Variants in MAP3K1 observed in about 807,000 individuals in gnomAD.
MAP3K1 encodes the protein mitogen-activated protein kinase kinase kinase 1.
A neutral mutation model predicts 144.2 loss-of-function variants in MAP3K1; 36 were observed. The ratio of observed to expected loss-of-function variants is 0.25; its 90% CI spans 0.19 to 0.33. The LOEUF (loss-of-function observed/expected upper bound fraction) is 0.33. Ranked by LOEUF, MAP3K1 falls within the 10% of genes least tolerant of loss-of-function variation. The pLI is 1.00. For missense variants in MAP3K1, 1,650 were observed against 1,881.9 expected (o/e 0.88, Z 2.28); for synonymous variants, 718 against 688.7 (o/e 1.04, Z -0.67).
In MAP3K1 at chr5:56,872,150, T is replaced by C. The variant is rs536961204; in HGVS notation, c.1423+119T>C. ...TTGGTGAGAGAATAAAAAAAGTATATCTAAGTCCTAAGTCCTATGTGAAAA... is the reference window on the plus strand; with the variant it reads ...TTGGTGAGAGAATAAAAAAAGTATACCTAAGTCCTAAGTCCTATGTGAAAA... On this transcript the variant is annotated intron_variant, in intron 7 of 19. Coordinates refer to ENST00000399503, the MANE Select transcript of MAP3K1 (RefSeq NM_005921.2). The C allele has an allele frequency of 8.3e-6, 11 of 1,325,944 alleles. No homozygotes were observed. In the Admixed American group the frequency reaches 1.5e-4, roughly 18 times the overall value. The allele number at this position is 1,325,944 out of a possible 1,614,324, so 82.1% of individuals were successfully genotyped here. A position where few individuals can be genotyped will look rare whatever the true frequency, so the allele number is the denominator to read the frequency against.
intron 19 of MAP3K1, among the ~76,000 whole-genome samples, chr5:56,890,572 G>A (rs1310361680): frequency 6.6e-6 from 1 of 152,128 alleles, no homozygotes; most frequent in East Asian, 1.9e-4. Flanking sequence ...TATGCCCATT[G>A]TTAGGAATTT....
At chr5:56,866,282 C>T (rs1747669361) in intron 6 of MAP3K1, among the ~76,000 whole-genome samples, 1 of 152,036 alleles carries the variant, frequency 6.6e-6, no homozygotes, top group Admixed American at 6.6e-5. Context: ...AGTGGTGATA[C>T]CTGTAGTCCC....
intron 1 of MAP3K1, among the ~76,000 whole-genome samples, chr5:56,827,256 C>G (rs1746346314): frequency 6.6e-6 from 1 of 152,172 alleles, no homozygotes; most frequent in Non-Finnish European, 1.5e-5. Context: ...TCGTATTGCC[C>G]CCACTGGCCA....
chr5:56,827,750 G>C (rs1378243155), intron 1 of MAP3K1, among the ~76,000 whole-genome samples: 2 of 152,096 alleles, frequency 1.3e-5, no homozygotes, highest in Non-Finnish European at 2.9e-5. Context: ...TGTAATCCCA[G>C]CTTCTTGGGA....
At chr5:56,831,645 G>A (rs899452316) in intron 1 of MAP3K1, among the ~76,000 whole-genome samples, 4 of 152,202 alleles carry the variant, frequency 2.6e-5, no homozygotes, top group African/African-American at 9.6e-5. Flanking sequence ...TAATCCTTTT[G>A]AGTATTCTCA....
At chr5:56,825,970 T>C (rs1181498233) in intron 1 of MAP3K1, among the ~76,000 whole-genome samples, 1 of 151,680 alleles carries the variant, frequency 6.6e-6, no homozygotes, top group Non-Finnish European at 1.5e-5. Context: ...CGTTCTTCTT[T>C]TTTTTTTTTA....
At chr5:56,820,378 A>C in intron 1 of MAP3K1, 4 of 936,396 alleles carry the variant, frequency 4.3e-6, no homozygotes, top group Non-Finnish European at 5.1e-6. Context: ...TAATAATCAA[A>C]TTAATTGATT....
chr5:56,871,247 C>T (rs1350830874), intron 6 of MAP3K1, among the ~76,000 whole-genome samples: 2 of 152,054 alleles, frequency 1.3e-5, no homozygotes, highest in Non-Finnish European at 2.9e-5. Context: ...CTGGGTTTGC[C>T]ATAATTTGTT....
chr5:56,883,396 A>G (rs1436800830), intron 14 of MAP3K1, 131 bp from the exon 15 acceptor site: 1 of 817,860 alleles, frequency 1.2e-6, no homozygotes, highest in Non-Finnish European at 2.0e-6. Context: ...GGTCACAAAT[A>G]CCTTCCATTC....
At position 56,856,206 on chromosome 5, in the gene MAP3K1, A is replaced by G. The variant is rs377707242; in HGVS notation, c.483-394A>G. Among the ~76,000 whole-genome samples the G allele has an allele frequency of 7.9e-5, 12 of 152,344 alleles. No homozygotes were observed. In the East Asian group the frequency reaches 1.9e-3, roughly 24 times the overall value. On this transcript the variant is annotated intron_variant, in intron 1 of 19. Transcript: ENST00000399503. ...TAAATATTTATTGAGCTTATTTCAG[A>G]TAAATCAGCATATCCACCAGATTCT... is the stretch of plus-strand genomic sequence containing the variant.
chr5:56,850,727 G>A (rs1440306264), intron 1 of MAP3K1, among the ~76,000 whole-genome samples: 4 of 152,126 alleles, frequency 2.6e-5, no homozygotes, highest in African/African-American at 7.2e-5. Flanking sequence ...CCAAGCCTCC[G>A]ATGGAAAAGA....
intron 19 of MAP3K1, among the ~76,000 whole-genome samples, chr5:56,889,417 C>T (rs1427010178): frequency 6.6e-6 from 1 of 152,206 alleles, no homozygotes; most frequent in Non-Finnish European, 1.5e-5. Flanking sequence ...CCACCTCAGC[C>T]TCCCAAAGTA....
chr5:56,893,428 C>T, intron 19 of MAP3K1, 103 bp from the exon 20 acceptor site: 1 of 1,235,168 alleles, frequency 8.1e-7, no homozygotes, highest in Non-Finnish European at 1.2e-6. Context: ...CAGTTCCTCT[C>T]TGTTCAGGAT....
intron 17 of MAP3K1, 144 bp downstream of exon 17, chr5:56,886,207 C>G: frequency 4.6e-6 from 3 of 647,188 alleles, no homozygotes; most frequent in Non-Finnish European, 8.3e-6. Context: ...AGCTCGAGAC[C>G]AGCCAGGCCA....
chr5:56,854,437 A>T (rs1747272242), intron 1 of MAP3K1, among the ~76,000 whole-genome samples: 1 of 150,938 alleles, frequency 6.6e-6, no homozygotes, highest in Non-Finnish European at 1.5e-5. Flanking sequence ...CATCTCAAAA[A>T]AAAAAAAAAA....
At chr5:56,866,660 T>C (rs1389049109) in intron 6 of MAP3K1, among the ~76,000 whole-genome samples, 1 of 152,174 alleles carries the variant, frequency 6.6e-6, no homozygotes, top group Non-Finnish European at 1.5e-5. Context: ...TTGAGAAGCA[T>C]TGTTCTGAGT....
chr5:56,888,370 T>TA lies in MAP3K1; in HGVS notation c.4389+18dup. 2 of 1,613,528 alleles carry TA rather than the reference T, an allele frequency of 1.2e-6. No individual in the cohort carries two copies. The highest frequency in any genetic ancestry group is 1.7e-6 in the Non-Finnish European group (2 of 1,179,688). On this transcript the variant is annotated intron_variant, in intron 19 of 19. Coordinates refer to ENST00000399503, the MANE Select transcript of MAP3K1 (RefSeq NM_005921.2). ...TTTGATATTTAAGGTAATTGTGAGATAAAAATTACTTCTTTGTGCTAAAAG... is the reference window on the plus strand; with the variant it reads ...TTTGATATTTAAGGTAATTGTGAGATAAAAAATTACTTCTTTGTGCTAAAAG...
chr5:56,825,170 A>G lies in MAP3K1; in HGVS notation c.482+9115A>G, dbSNP rs114957369. Among the ~76,000 whole-genome samples the G allele has an allele frequency of 5.0e-3, 763 of 151,786 alleles. 3 individuals carry two copies. Among genetic ancestry groups the G allele is most frequent in the Non-Finnish European group, 8.0e-3 (543 of 67,904 alleles). ...TTACAGGCGCCTGCCACCACTTCCA[A>G]CTTTTTAAATTTTTGTATTTTTAGT... On this transcript the variant is annotated intron_variant, in intron 1 of 19. Coordinates refer to ENST00000399503, the MANE Select transcript of MAP3K1 (RefSeq NM_005921.2).
intron 6 of MAP3K1, among the ~76,000 whole-genome samples, chr5:56,868,620 A>C (rs1162802293): frequency 1.3e-5 from 2 of 152,054 alleles, no homozygotes; most frequent in African/African-American, 2.4e-5. Context: ...TCCTGACCTC[A>C]TGATCTGCCC....
Sources: allele counts gnomAD v4.1 joint callset (sites outside exome capture counted in the v4.1 genomes callset), GRCh38; gene constraint gnomAD v4.1.1; transcripts MANE v1.5; gene names NCBI Gene and HGNC (gene_info 2026-07-23, HGNC 2026-07-21).